NOX4: variants seen among roughly 807,000 people sequenced by gnomAD.
NOX4 encodes kidney oxidase-1.
Under a neutral mutation model 87.6 loss-of-function variants are expected in NOX4, and 69 were observed. That is an observed-to-expected ratio of 0.79 (90% CI 0.65 to 0.96). The LOEUF (loss-of-function observed/expected upper bound fraction) is 0.96, where lower values mean the gene tolerates loss of function less well. NOX4 is among the 40% of genes least tolerant of loss of function. The pLI is 0.00. For missense variants in NOX4, 680 were observed against 681.5 expected (o/e 1.00, Z 0.02); for synonymous variants, 275 against 238.2 (o/e 1.15, Z -1.42).
At chr11:89,474,458 C>CAAAAAAAAAAAAAAAA in intron 2 of NOX4, among the ~76,000 whole-genome samples, 1 of 97,044 alleles carries the variant, frequency 1.0e-5, no homozygotes, top group Non-Finnish European at 2.2e-5. Context: ...TCTATAATAC[C>CAAAAAAAAAAAAAAAA]AAAAAAAAAA....
the NOX4 span, among the ~76,000 whole-genome samples, chr11:89,535,552 G>A: frequency 1.3e-5 from 2 of 152,094 alleles, no homozygotes; most frequent in South Asian, 2.1e-4. Flanking sequence ...ATTTTGATCA[G>A]CCTCTCCTCC....
the NOX4 span, among the ~76,000 whole-genome samples, chr11:89,561,895 T>C: frequency 2.6e-5 from 4 of 152,324 alleles, no homozygotes; most frequent in South Asian, 2.1e-4. Context: ...TGCTATGTTA[T>C]ATACTGCAGT....
chr11:89,481,057 G>C (rs1946370623), intron 2 of NOX4, among the ~76,000 whole-genome samples: 1 of 151,922 alleles, frequency 6.6e-6, no homozygotes, highest in Admixed American at 6.6e-5. Context: ...AGGACTGAAG[G>C]TAACATGTTC....
chr11:89,487,589 A>G (rs149405435), intron 2 of NOX4, among the ~76,000 whole-genome samples: 17 of 152,298 alleles, frequency 1.1e-4, no homozygotes, highest in African/African-American at 4.1e-4. Flanking sequence ...CAGAAATAAC[A>G]TCATGATTTT....
At chr11:89,490,615 T>C in intron 1 of NOX4, 62 bp from the exon 2 acceptor site, 1 of 1,166,562 alleles carries the variant, frequency 8.6e-7, no homozygotes, top group Non-Finnish European at 1.3e-6. Context: ...ACCTGATGAA[T>C]AGAAACCACA....
intron 12 of NOX4, among the ~76,000 whole-genome samples, chr11:89,361,007 T>C (rs1339473239): frequency 2.0e-5 from 3 of 152,254 alleles, no homozygotes; most frequent in East Asian, 1.9e-4. Context: ...GATGGGAATG[T>C]AAATTAGTGC....
intron 4 of NOX4, among the ~76,000 whole-genome samples, chr11:89,445,461 T>C (rs1944659722): frequency 6.6e-6 from 1 of 151,826 alleles, no homozygotes; most frequent in Admixed American, 6.6e-5. Context: ...AGGGGAAGAG[T>C]CAGGACTTAC....
At chr11:89,511,607 T>TA in the NOX4 span, among the ~76,000 whole-genome samples, 1 of 152,010 alleles carries the variant, frequency 6.6e-6, no homozygotes, top group African/African-American at 2.4e-5. Flanking sequence ...TGATTACAAA[T>TA]ATCTGTGCGT....
chr11:89,406,379 GC>G (rs1217148243), intron 8 of NOX4, among the ~76,000 whole-genome samples: 1 of 151,984 alleles, frequency 6.6e-6, no homozygotes, highest in African/African-American at 2.4e-5. Flanking sequence ...TTAGATGCAT[GC>G]CTTTCTTTAA....
At chr11:89,513,005 T>A in the NOX4 span, among the ~76,000 whole-genome samples, 1 of 152,080 alleles carries the variant, frequency 6.6e-6, no homozygotes, top group Non-Finnish European at 1.5e-5. Flanking sequence ...GGAATATTTG[T>A]GAAACTCTCT....
chr11:89,344,408 G>C (rs953899881), intron 13 of NOX4, among the ~76,000 whole-genome samples: 4 of 152,010 alleles, frequency 2.6e-5, no homozygotes, highest in Middle Eastern at 3.2e-3. Flanking sequence ...GTATTAGCTG[G>C]GCACGGTGGC....
chr11:89,379,338 G>A (rs1192409251), intron 11 of NOX4, among the ~76,000 whole-genome samples: 4 of 151,688 alleles, frequency 2.6e-5, no homozygotes, highest in Admixed American at 2.0e-4. Flanking sequence ...AGGTCTCAGT[G>A]TAATAGGAGG....
At chr11:89,517,436 C>A in the NOX4 span, among the ~76,000 whole-genome samples, 1 of 151,784 alleles carries the variant, frequency 6.6e-6, no homozygotes. Flanking sequence ...CACCCTGTAC[C>A]CTTTGTTAAT....
rs1360802916 is a variant in NOX4, at chr11:89,440,618, C to T, written c.475+70G>A. On this transcript the variant is annotated intron_variant, in intron 6 of 17. Transcript: ENST00000263317. ...GGGAATACAGGCATGAGCCACTGCG[C>T]CCAGTCCGATAATGCCTACTTTTAA... 4.6e-6 allele frequency: 5 copies of T among 1,094,884 alleles called. No homozygotes were observed. In the African/African-American group the frequency reaches 4.9e-5, roughly 11 times the overall value. The allele number at this position is 1,094,884 out of a possible 1,614,324, so 67.8% of individuals were successfully genotyped here.
At chr11:89,572,705 T>G in the NOX4 span, among the ~76,000 whole-genome samples, 1 of 152,154 alleles carries the variant, frequency 6.6e-6, no homozygotes, top group Non-Finnish European at 1.5e-5. Flanking sequence ...GCATCTTTTT[T>G]CCCGTCTTTT....
chr11:89,564,031 G>A, the NOX4 span, among the ~76,000 whole-genome samples: 1 of 152,076 alleles, frequency 6.6e-6, no homozygotes, highest in Non-Finnish European at 1.5e-5. Flanking sequence ...ACATGGCAAG[G>A]CCGTTTAGAT....
intron 3 of NOX4, among the ~76,000 whole-genome samples, chr11:89,450,570 T>TTTATTA (rs908987998): frequency 6.6e-6 from 1 of 151,490 alleles, no homozygotes; most frequent in Non-Finnish European, 1.5e-5. Context: ...GACATCACTA[T>TTTATTA]TTATTATTAT....
In NOX4 at chr11:89,491,205, A is replaced by T; in HGVS notation, c.42T>A (p.Val14=). 6.2e-7 allele frequency: 1 copy of T among 1,613,918 alleles called. No individual in the cohort carries two copies. The highest frequency in any genetic ancestry group is 8.5e-7 in the Non-Finnish European group (1 of 1,179,920). Residue 14 remains valine (V), a synonymous_variant, in exon 1 of 18, where the codon GTT becomes GTA. Coordinates refer to ENST00000263317, the MANE Select transcript of NOX4 (RefSeq NM_016931.5). ...SWRSWLANEG[V]KHLCLFIWLS... ...GCCATCCTACCAGGCAGAGGTGTTTAACCCCTTCGTTGGCGAGCCAGCTCC... is the reference window on the plus strand; with the variant it reads ...GCCATCCTACCAGGCAGAGGTGTTTTACCCCTTCGTTGGCGAGCCAGCTCC...
At chr11:89,393,288 A>G (rs1318876886) in intron 11 of NOX4, among the ~76,000 whole-genome samples, 1 of 152,128 alleles carries the variant, frequency 6.6e-6, no homozygotes, top group Non-Finnish European at 1.5e-5. Flanking sequence ...CCATGATTGA[A>G]AAATCCTGAT....
Sources: gnomAD v4.1 joint callset for allele counts (sites outside exome capture counted in the v4.1 genomes callset) on GRCh38, gnomAD v4.1.1 for gene constraint, MANE v1.5 for transcripts, NCBI Gene and HGNC (gene_info 2026-07-23, HGNC 2026-07-21) for gene names.